Variants in GAK observed in about 807,000 individuals in gnomAD.
GAK encodes cyclin G associated kinase.
In GAK, 79 loss-of-function variants were observed where a neutral mutation model predicts 143.9. The ratio of observed to expected loss-of-function variants is 0.55; its 90% CI spans 0.46 to 0.66. GAK has a LOEUF of 0.66. Ranked by LOEUF, GAK falls within the 30% of genes least tolerant of loss-of-function variation. The pLI, the probability that GAK is intolerant of heterozygous loss-of-function variation, is 0.00. For synonymous variants in GAK, 881 were observed against 765.5 expected, an observed-to-expected ratio of 1.15 and a Z score of -2.49; for missense variants, 1,693 against 1,779.7, an observed-to-expected ratio of 0.95 and a Z score of 0.88.
chr4:909,311 C>T (rs1045571247), intron 4 of GAK, among the ~76,000 whole-genome samples: 5 of 152,276 alleles, frequency 3.3e-5, no homozygotes, highest in African/African-American at 7.2e-5. Flanking sequence ...GCCCTAGAAG[C>T]GCAGCGCAGG....
At chr4:907,162 G>A (rs1721226892) in intron 4 of GAK, among the ~76,000 whole-genome samples, 1 of 152,160 alleles carries the variant, frequency 6.6e-6, no homozygotes, top group Admixed American at 6.5e-5. Flanking sequence ...CACAGCTCAG[G>A]CTGGGCCACG....
intron 24 of GAK, among the ~76,000 whole-genome samples, chr4:855,514 C>T (rs901684525): frequency 1.3e-5 from 2 of 152,208 alleles, no homozygotes; most frequent in African/African-American, 2.4e-5. Context: ...CGCAGACAAT[C>T]GTGTCATCTG....
intron 22 of GAK, 137 bp from the exon 23 acceptor site, chr4:865,381 CCT>C: frequency 9.7e-7 from 1 of 1,035,854 alleles, no homozygotes. Flanking sequence ...GGGCTGACGG[CCT>C]CTCTCTTCCT....
intron 1 of GAK, among the ~76,000 whole-genome samples, chr4:930,628 T>C (rs1725519458): frequency 6.6e-6 from 1 of 151,650 alleles, no homozygotes; most frequent in African/African-American, 2.4e-5. Flanking sequence ...GCAAGTCCTG[T>C]CCACAATAAA....
chr4:895,015 A>AAAT (rs59025740), intron 7 of GAK, among the ~76,000 whole-genome samples: 27,376 of 103,828 alleles, frequency 0.26, 2,857 homozygotes, highest in African/African-American at 0.35. Flanking sequence ...ATAAATAAAT[A>AAAT]AAGGTTCCTT....
intron 17 of GAK, among the ~76,000 whole-genome samples, 167 bp from the exon 18 acceptor site, chr4:876,776 T>A (rs907913644): frequency 6.6e-6 from 1 of 152,166 alleles, no homozygotes; most frequent in African/African-American, 2.4e-5. Context: ...AGGGTCTGTG[T>A]GTGGCAGGTA....
intron 24 of GAK, among the ~76,000 whole-genome samples, chr4:857,734 C>A (rs1553864353): frequency 4.6e-5 from 7 of 152,156 alleles, no homozygotes; most frequent in Non-Finnish European, 1.0e-4. Flanking sequence ...GGCCTCTGTC[C>A]CTGTGTTCCA....
At chr4:913,825 A>G in intron 1 of GAK, 157 bp from the exon 2 acceptor site, 1 of 618,928 alleles carries the variant, frequency 1.6e-6, no homozygotes, top group East Asian at 3.0e-5. Context: ...CCCCCCGCAA[A>G]CACAGCCCCA....
chr4:868,778 G>A (rs1328808924), intron 19 of GAK, 93 bp from the exon 20 acceptor site: 12 of 1,358,116 alleles, frequency 8.8e-6, no homozygotes, highest in Non-Finnish European at 1.1e-5. Context: ...CCAGGCGGGC[G>A]CCAGCACCGT....
At chr4:892,049 C>G (rs1717777869) in intron 9 of GAK, among the ~76,000 whole-genome samples, 1 of 152,184 alleles carries the variant, frequency 6.6e-6, no homozygotes, top group Non-Finnish European at 1.5e-5. Context: ...TTCCCTGCTC[C>G]CAGGTCTCTG....
intron 24 of GAK, among the ~76,000 whole-genome samples, chr4:858,361 G>A (rs1205945240): frequency 2.6e-5 from 4 of 152,168 alleles, no homozygotes; most frequent in South Asian, 2.1e-4. Flanking sequence ...GCCGCCCACC[G>A]AGCCAGCAGG....
intron 7 of GAK, among the ~76,000 whole-genome samples, chr4:895,528 T>C (rs1322784320): frequency 1.3e-5 from 2 of 152,152 alleles, no homozygotes; most frequent in African/African-American, 4.8e-5. Flanking sequence ...ACATACTGTC[T>C]CAGCCTGCAG....
At chr4:849,849 C>CCCCCCCCA in intron 27 of GAK, 43 bp downstream of exon 27, 1 of 1,425,650 alleles carries the variant, frequency 7.0e-7, no homozygotes, top group Non-Finnish European at 9.6e-7. Flanking sequence ...CCCCCCGCCC[C>CCCCCCCCA]GCCCCTGAAG....
chr4:892,322 C>T (rs2152854522), intron 9 of GAK, among the ~76,000 whole-genome samples: 1 of 152,348 alleles, frequency 6.6e-6, no homozygotes, highest in African/African-American at 2.4e-5. Context: ...ACACAGACCC[C>T]TGCGAGATCT....
Position 893,374 on chromosome 4 carries a change from C to G in GAK, c.990+3G>C, listed in dbSNP as rs766023630. 3.2e-6 allele frequency: 5 copies of G among 1,556,758 alleles called. No homozygotes were observed. In the Admixed American group the frequency reaches 9.4e-5, roughly 29 times the overall value. ...ATTTGGGGCTCACGTGTGCCTCCCT[C>G]ACCTCTGTGATGGGAGACTTGGGGT... On this transcript the variant is annotated splice_donor_region_variant and intron_variant, in intron 9 of 27. Coordinates refer to ENST00000314167, the MANE Select transcript of GAK (RefSeq NM_005255.4).
At chr4:902,235 T>TAAA (rs77844745) in intron 5 of GAK, among the ~76,000 whole-genome samples, 2 of 100,772 alleles carry the variant, frequency 2.0e-5, no homozygotes, top group Non-Finnish European at 2.1e-5. Flanking sequence ...AGACTCCGCC[T>TAAA]AAAAAAAAAA....
chr4:883,168 C>T (rs931582345), intron 13 of GAK, 147 bp downstream of exon 13: 16 of 948,270 alleles, frequency 1.7e-5, no homozygotes, highest in Non-Finnish European at 2.5e-5. Flanking sequence ...ACCTCGCCCC[C>T]TCCTGTCCCA....
At chr4:849,832 G>GGGGGGGGGC in intron 27 of GAK, 58 bp from the exon 28 acceptor site, 2 of 1,256,596 alleles carry the variant, frequency 1.6e-6, no homozygotes, top group Non-Finnish European at 2.2e-6. Context: ...GGGCGGGGCA[G>GGGGGGGGGC]GACCCCCCCC....
At chr4:903,794 C>A (rs1720514228) in intron 5 of GAK, among the ~76,000 whole-genome samples, 1 of 151,912 alleles carries the variant, frequency 6.6e-6, no homozygotes, top group Non-Finnish European at 1.5e-5. Context: ...GTCCACAGCT[C>A]CCCACGGAAA....
Sources: gnomAD v4.1 joint callset for allele counts (sites outside exome capture counted in the v4.1 genomes callset) on GRCh38, gnomAD v4.1.1 for gene constraint, MANE v1.5 for transcripts, NCBI Gene and HGNC (gene_info 2026-07-23, HGNC 2026-07-21) for gene names.